Variants in CCSER2 observed in about 807,000 individuals in gnomAD.
CCSER2 encodes the protein coiled-coil serine rich protein 2.
CCSER2 carries 46 observed loss-of-function variants against 92.3 expected under a neutral mutation model. The observed-to-expected ratio is 0.50, with a 90% CI of 0.39 to 0.64. The LOEUF is 0.64. CCSER2 is among the 30% of genes least tolerant of loss of function. The probability of loss-of-function intolerance (pLI) is 0.00; values close to 1 mark genes in which losing one functional copy is unlikely to be tolerated. For synonymous variants in CCSER2, 433 were observed against 431.4 expected, an observed-to-expected ratio of 1.00 and a Z score of -0.04; for missense variants, 1,244 against 1,238.9, an observed-to-expected ratio of 1.00 and a Z score of -0.06.
intron 5 of CCSER2, among the ~76,000 whole-genome samples, chr10:84,434,960 A>G (rs1844016398): frequency 1.3e-5 from 2 of 152,212 alleles, no homozygotes; most frequent in South Asian, 4.1e-4. Context: ...TTAGAGTTGA[A>G]AAGTATATAG....
At chr10:84,396,079 AATGCCACAGAATTTGTTCT>A (rs1841815106) in intron 3 of CCSER2, among the ~76,000 whole-genome samples, 1 of 152,076 alleles carries the variant, frequency 6.6e-6, no homozygotes, top group African/African-American at 2.4e-5. Flanking sequence ...ACTCCAATCA[AATGCCACAGAATTTGTTCT>A]AGCCTTTCTT....
intron 6 of CCSER2, 72 bp from the exon 7 acceptor site, chr10:84,463,861 T>C (rs1846241215): frequency 9.6e-7 from 1 of 1,040,152 alleles, no homozygotes; most frequent in African/African-American, 1.6e-5. Flanking sequence ...TTGGTCTGGG[T>C]AAATTCAGGT....
intron 2 of CCSER2, among the ~76,000 whole-genome samples, chr10:84,372,948 A>T (rs1376999038): frequency 6.6e-6 from 1 of 152,092 alleles, no homozygotes; most frequent in Non-Finnish European, 1.5e-5. Flanking sequence ...TTTTAGATAC[A>T]CTTCCTGAGA....
chr10:84,340,480 C>T (rs897648412), intron 1 of CCSER2, among the ~76,000 whole-genome samples: 4 of 151,986 alleles, frequency 2.6e-5, no homozygotes, highest in Admixed American at 2.6e-4. Context: ...ATAAGCAATT[C>T]GAATAGTGTT....
intron 8 of CCSER2, among the ~76,000 whole-genome samples, chr10:84,474,984 T>C (rs1010793159): frequency 2.6e-5 from 4 of 152,198 alleles, no homozygotes; most frequent in African/African-American, 7.2e-5. Context: ...CAGATCAGCT[T>C]TTTTGGAATC....
intron 1 of CCSER2, among the ~76,000 whole-genome samples, chr10:84,334,540 AGG>A (rs1435951903): frequency 6.6e-6 from 1 of 152,174 alleles, no homozygotes; most frequent in African/African-American, 2.4e-5. Flanking sequence ...GGGAAGCCAG[AGG>A]ATTCTTAAAG....
intron 1 of CCSER2, among the ~76,000 whole-genome samples, chr10:84,329,092 G>A (rs1843415628): frequency 6.6e-6 from 1 of 152,246 alleles, no homozygotes; most frequent in African/African-American, 2.4e-5. Flanking sequence ...GGAGAAATCA[G>A]GGCGAGGCTG....
chr10:84,364,298 C>G (rs1845665053), intron 1 of CCSER2, among the ~76,000 whole-genome samples: 1 of 152,162 alleles, frequency 6.6e-6, no homozygotes, highest in Admixed American at 6.5e-5. Context: ...TAGCATGTCA[C>G]TAGGCTATAG....
chr10:84,500,757 G>A (rs55887102), intron 9 of CCSER2, among the ~76,000 whole-genome samples: 31,873 of 151,966 alleles, frequency 0.21, 3,592 homozygotes, highest in Admixed American at 0.34. Context: ...TCAATCAGAG[G>A]TATTTTTATG....
chr10:84,480,912 C>G (rs1847419925), intron 9 of CCSER2, among the ~76,000 whole-genome samples: 1 of 151,970 alleles, frequency 6.6e-6, no homozygotes, highest in African/African-American at 2.4e-5. Context: ...TTTACTAAAC[C>G]AAAATGAAGA....
chr10:84,346,770 A>T lies in CCSER2; in HGVS notation c.-40+17962A>T, dbSNP rs201068674. ...CTCATTTCTTTTTTTTTATATATAT[A>T]TATATATTTATTTATTTATTTGTTT... On this transcript the variant is annotated intron_variant, in intron 1 of 9. Coordinates refer to ENST00000372088, the MANE Select transcript of CCSER2 (RefSeq NM_001284240.2). Among the ~76,000 whole-genome samples the T allele has an allele frequency of 2.7e-3, 399 of 145,486 alleles. 1 individual carries two copies. Among genetic ancestry groups the T allele is most frequent in the African/African-American group, 8.6e-3 (348 of 40,550 alleles).
chr10:84,339,721 C>T (rs59726900), intron 1 of CCSER2, among the ~76,000 whole-genome samples: 2,765 of 152,006 alleles, frequency 0.018, 86 homozygotes, highest in African/African-American at 0.063. Context: ...GTGATATGCC[C>T]GCCTTGGCCT....
chr10:84,353,055 G>A (rs1198404415), intron 1 of CCSER2, among the ~76,000 whole-genome samples: 1 of 152,214 alleles, frequency 6.6e-6, no homozygotes, highest in Non-Finnish European at 1.5e-5. Context: ...GCCTCCCAAA[G>A]TGCTGGGATT....
chr10:84,335,324 G>C (rs1391066898), intron 1 of CCSER2, among the ~76,000 whole-genome samples: 2 of 146,908 alleles, frequency 1.4e-5, no homozygotes, highest in Admixed American at 1.4e-4. Context: ...GACCTCCTGG[G>C]CTCTAGCTAT....
Position 84,343,749 on chromosome 10 carries a change from G to T in CCSER2, c.-40+14941G>T, listed in dbSNP as rs17103363. 4.0e-3 allele frequency among the ~76,000 whole-genome samples: 607 copies of T among 152,352 alleles called. 5 individuals carry two copies. The highest frequency in any genetic ancestry group is 0.014 in the African/African-American group (570 of 41,592). On this transcript the variant is annotated intron_variant, in intron 1 of 9. Transcript: ENST00000372088. ...ATGGAAACGGCTCTGGCTGGGATAT[G>T]TGCCAGAAAGGATCTTGTAGACATT...
At chr10:84,492,203 C>T (rs767616719) in intron 9 of CCSER2, among the ~76,000 whole-genome samples, 8 of 151,162 alleles carry the variant, frequency 5.3e-5, no homozygotes, top group African/African-American at 9.7e-5. Context: ...GGCATTATCC[C>T]GGGAGGTGGA....
Position 84,373,724 on chromosome 10 carries a change from A to G in CCSER2, c.1523A>G (p.Asp508Gly), listed in dbSNP as rs1221199481. 1.2e-6 allele frequency: 2 copies of G among 1,613,802 alleles called. No individual in the cohort carries two copies. The highest frequency in any genetic ancestry group is 1.1e-5 in the South Asian group (1 of 91,072). ...SFELSPSDSS[D>G]GTYMWDEEGL... is the part of the protein sequence containing the mutation. ...GAACTCTCTCCATCTGATAGCTCTG[A>G]TGGAACATACATGTGGGATGAAGAA... is the stretch of plus-strand genomic sequence containing the variant. The change falls in exon 3 of 10, where the codon GAT becomes GGT. Residue 508 changes from aspartate to glycine, a missense_variant. Transcript: ENST00000372088.
chr10:84,383,910 A>G (rs1040170266), intron 3 of CCSER2, among the ~76,000 whole-genome samples: 3 of 152,338 alleles, frequency 2.0e-5, no homozygotes, highest in African/African-American at 7.2e-5. Context: ...TAGCCAAGAA[A>G]AAAAGAGGAA....
intron 8 of CCSER2, among the ~76,000 whole-genome samples, chr10:84,471,212 T>C (rs1288196347): frequency 6.6e-6 from 1 of 151,930 alleles, no homozygotes; most frequent in Non-Finnish European, 1.5e-5. Context: ...CTCACGGAGA[T>C]CCATTTCATG....
Sources: gnomAD v4.1 joint callset for allele counts (sites outside exome capture counted in the v4.1 genomes callset) on GRCh38, gnomAD v4.1.1 for gene constraint, MANE v1.5 for transcripts, NCBI Gene and HGNC (gene_info 2026-07-23, HGNC 2026-07-21) for gene names.